The following ZFPM2 variants were observed in gnomAD, a reference collection of about 807,000 sequenced individuals.
ZFPM2 encodes zinc finger protein, FOG family member 2.
A neutral mutation model predicts 98.6 loss-of-function variants in ZFPM2; 20 were observed. That is an observed-to-expected ratio of 0.20 (90% CI 0.14 to 0.29). ZFPM2 has a LOEUF of 0.29. ZFPM2 is among the 10% of genes least tolerant of loss of function. The pLI is 1.00. For synonymous variants in ZFPM2, 518 were observed against 502.7 expected (o/e 1.03, Z -0.41); for missense variants, 1,310 against 1,388.6 (o/e 0.94, Z 0.90).
intron 5 of ZFPM2, among the ~76,000 whole-genome samples, chr8:105,774,884 T>G (rs1813062909): frequency 2.0e-5 from 3 of 151,970 alleles, no homozygotes. Flanking sequence ...AGGAGAAACC[T>G]CTAAGTGCTT....
At position 105,660,056 on chromosome 8, in the gene ZFPM2, T is replaced by A. The variant is rs532721971; in HGVS notation, c.532+25699T>A. ...CACTTTCCAGAACTATTTAGGTTGC[T>A]CTTTATAATAACTTGTTTTGTGAAT... is the stretch of plus-strand genomic sequence containing the variant. On this transcript the variant is annotated intron_variant, in intron 5 of 7. Coordinates refer to ENST00000407775, the MANE Select transcript of ZFPM2 (RefSeq NM_012082.4). Among the ~76,000 whole-genome samples, 4 of 152,340 alleles carry A rather than the reference T, an allele frequency of 2.6e-5. No homozygotes were observed. The East Asian group carries it at 5.8e-4, about 22-fold the overall frequency.
intron 5 of ZFPM2, among the ~76,000 whole-genome samples, chr8:105,673,367 C>T (rs1466698915): frequency 2.6e-5 from 4 of 151,772 alleles, no homozygotes; most frequent in South Asian, 2.1e-4. Context: ...GAGGTATAAT[C>T]TTCAAAATGA....
chr8:105,451,042 C>T (rs7832733), intron 3 of ZFPM2, among the ~76,000 whole-genome samples: 49,713 of 151,662 alleles, frequency 0.33, 9,862 homozygotes, highest in African/African-American at 0.56. Flanking sequence ...GATTCACAAA[C>T]AACTTTATAA....
chr8:105,388,288 G>A (rs575192312), intron 1 of ZFPM2, among the ~76,000 whole-genome samples: 1 of 151,846 alleles, frequency 6.6e-6, no homozygotes, highest in East Asian at 1.9e-4. Context: ...ATTAGTGACA[G>A]TAAAAAAGGA....
At chr8:105,710,716 G>C (rs1811370830) in intron 5 of ZFPM2, among the ~76,000 whole-genome samples, 1 of 148,156 alleles carries the variant, frequency 6.7e-6, no homozygotes, top group Admixed American at 6.7e-5. Flanking sequence ...TGTGTGTGGG[G>C]GGGTGTATGT....
chr8:105,454,693 A>G (rs1812553702), intron 3 of ZFPM2, among the ~76,000 whole-genome samples: 1 of 152,192 alleles, frequency 6.6e-6, no homozygotes, highest in Non-Finnish European at 1.5e-5. Context: ...TGAATGTATT[A>G]GCTAAAATTA....
intron 5 of ZFPM2, among the ~76,000 whole-genome samples, chr8:105,681,398 T>A (rs1810596945): frequency 6.6e-6 from 1 of 152,184 alleles, no homozygotes; most frequent in Non-Finnish European, 1.5e-5. Context: ...ATGACATTCT[T>A]TGTAGCAACA....
intron 3 of ZFPM2, among the ~76,000 whole-genome samples, chr8:105,471,981 C>T (rs533556743): frequency 1.3e-5 from 2 of 152,064 alleles, no homozygotes; most frequent in Non-Finnish European, 2.9e-5. Flanking sequence ...AAAATGTGGT[C>T]GGTGGATTAC....
intron 3 of ZFPM2, among the ~76,000 whole-genome samples, chr8:105,489,252 C>T (rs1220812130): frequency 6.6e-6 from 1 of 151,630 alleles, no homozygotes; most frequent in Admixed American, 6.6e-5. Context: ...TAAATATTCT[C>T]TATTTAGAAG....
intron 1 of ZFPM2, among the ~76,000 whole-genome samples, chr8:105,380,744 ATATG>A (rs1478942829): frequency 4.7e-5 from 2 of 42,518 alleles, no homozygotes; most frequent in Non-Finnish European, 7.3e-5. Flanking sequence ...TATTATATAT[ATATG>A]TTATATATAA....
At chr8:105,349,020 C>T (rs1374749545) in intron 1 of ZFPM2, among the ~76,000 whole-genome samples, 1 of 152,046 alleles carries the variant, frequency 6.6e-6, no homozygotes, top group Non-Finnish European at 1.5e-5. Flanking sequence ...TTCTTCAGTT[C>T]CAAAGAACTG....
At chr8:105,412,634 A>G (rs543244414) in intron 1 of ZFPM2, among the ~76,000 whole-genome samples, 4 of 151,932 alleles carry the variant, frequency 2.6e-5, no homozygotes, top group Non-Finnish European at 5.9e-5. Context: ...CACTATTGTT[A>G]AAAGTGAGTG....
intron 5 of ZFPM2, among the ~76,000 whole-genome samples, chr8:105,642,298 GACAT>G (rs1328958368): frequency 4.6e-5 from 7 of 152,122 alleles, no homozygotes. Flanking sequence ...TGCACAGGAA[GACAT>G]ACTGGAAAGA....
intron 1 of ZFPM2, among the ~76,000 whole-genome samples, chr8:105,372,041 ATTATTATT>A (rs1290729782): frequency 1.3e-5 from 1 of 75,878 alleles, no homozygotes; most frequent in Admixed American, 1.5e-4. Context: ...TATTATTATT[ATTATTATT>A]TTATTTTTTT....
intron 5 of ZFPM2, among the ~76,000 whole-genome samples, chr8:105,708,600 ATTTT>A (rs1475332929): frequency 4.0e-5 from 6 of 151,350 alleles, no homozygotes; most frequent in Non-Finnish European, 7.4e-5. Flanking sequence ...CACCTAATTT[ATTTT>A]ATTTTATTTT....
At chr8:105,682,898 T>G (rs185466317) in intron 5 of ZFPM2, among the ~76,000 whole-genome samples, 2 of 152,228 alleles carry the variant, frequency 1.3e-5, no homozygotes, top group Admixed American at 6.5e-5. Flanking sequence ...GTTATCTTAA[T>G]CTGTTCAGGC....
At position 105,798,947 on chromosome 8, in the gene ZFPM2, T is replaced by C; in HGVS notation, c.963T>C (p.Ser321=). The change falls in exon 7 of 8, where the codon AGT becomes AGC. Residue 321 remains serine, a splice_region_variant and synonymous_variant. Transcript: ENST00000407775. The part of the protein sequence containing the change: ...RALEMHLNSH[S]GVKMEEFLPP... Reference sequence around the variant, plus strand: ...TAGAAATGCACCTGAATTCACACAGTGGTAAATGCCCCTTTTGTTTCTTCT... The same window carrying C: ...TAGAAATGCACCTGAATTCACACAGCGGTAAATGCCCCTTTTGTTTCTTCT... 6.2e-7 allele frequency: 1 copy of C among 1,612,566 alleles called. No homozygotes were observed. The highest frequency in any genetic ancestry group is 1.3e-5 in the African/African-American group (1 of 74,992).
At chr8:105,789,390 C>T (rs2131138060) in intron 6 of ZFPM2, among the ~76,000 whole-genome samples, 1 of 152,282 alleles carries the variant, frequency 6.6e-6, no homozygotes, top group South Asian at 2.1e-4. Flanking sequence ...CAATTTCATC[C>T]ATGTCCCTAC....
At position 105,604,079 on chromosome 8, in the gene ZFPM2, A is replaced by T. The variant is rs891837319; in HGVS notation, c.421-30167A>T. ...ACTCATATTTGTAATTGCCTACTTG[A>T]CATCACTGTATCACAATAGAGATTT... On this transcript the variant is annotated intron_variant, in intron 4 of 7. Coordinates refer to ENST00000407775, the MANE Select transcript of ZFPM2 (RefSeq NM_012082.4). Among the ~76,000 whole-genome samples, 5 of 152,000 alleles carry T rather than the reference A, an allele frequency of 3.3e-5. No homozygotes were observed. In the East Asian group the frequency reaches 9.6e-4, roughly 29 times the overall value.
Sources: gnomAD v4.1 joint callset for allele counts (sites outside exome capture counted in the v4.1 genomes callset) on GRCh38, gnomAD v4.1.1 for gene constraint, MANE v1.5 for transcripts, NCBI Gene and HGNC (gene_info 2026-07-23, HGNC 2026-07-21) for gene names.